The following SVBP variants were observed in gnomAD, a reference collection of about 807,000 sequenced individuals.
SVBP encodes small vasohibin-binding protein.
A neutral mutation model predicts 9.2 loss-of-function variants in SVBP; 9 were observed. The ratio of observed to expected loss-of-function variants is 0.98; its 90% CI spans 0.59 to 1.71. SVBP has a LOEUF of 1.71. Ranked by LOEUF, SVBP falls within the 40% of genes most tolerant of loss-of-function variation. The pLI is 0.00. For synonymous variants in SVBP, 27 were observed against 23.9 expected (o/e 1.13, Z -0.37); for missense variants, 63 against 73.2 (o/e 0.86, Z 0.51).
intron 2 of SVBP, 34 bp downstream of exon 2, chr1:42,816,397 C>T: frequency 7.1e-7 from 1 of 1,412,946 alleles, no homozygotes; most frequent in South Asian, 1.2e-5. Context: ...CTCCAGCAGA[C>T]TACAGGCATA....
At chr1:42,813,691 T>C (rs1278596356) in intron 2 of SVBP, 2 of 533,328 alleles carry the variant, frequency 3.8e-6, no homozygotes, top group African/African-American at 3.9e-5. Flanking sequence ...GAAGTATAGA[T>C]AGCTCTGTTC....
chr1:42,816,289 T>G (rs1377937594), intron 2 of SVBP, 142 bp downstream of exon 2: 5 of 630,354 alleles, frequency 7.9e-6, no homozygotes, highest in Non-Finnish European at 5.6e-6. Context: ...AACCTCAGTG[T>G]TGTCCCCTCT....
chr1:42,816,465 G>A lies in SVBP; in HGVS notation c.80C>T (p.Ala27Val). 6.2e-7 allele frequency: 1 copy of A among 1,613,938 alleles called. No individual in the cohort carries two copies. Residue 27 changes from alanine to valine, a missense_variant, in exon 2 of 3, where the codon GCC becomes GTC. Transcript: ENST00000372521. Reference sequence around the variant, plus strand: ...TTGTCTCTGCTTCAGCTCCTGCTGGGCTGATTTCTGTTTGGCCTTCTCAAC... The same window carrying A: ...TTGTCTCTGCTTCAGCTCCTGCTGGACTGATTTCTGTTTGGCCTTCTCAAC... ...SRVEKAKQKS[A>V]QQELKQRQRA...
intron 2 of SVBP, among the ~76,000 whole-genome samples, chr1:42,811,370 A>T (rs1231069491): frequency 2.6e-5 from 4 of 152,190 alleles, no homozygotes; most frequent in African/African-American, 9.7e-5. Flanking sequence ...GGGAGTCACA[A>T]TAACTCCTGC....
chr1:42,813,553 G>C (rs1352265495), intron 2 of SVBP: 1 of 533,392 alleles, frequency 1.9e-6, no homozygotes, highest in South Asian at 1.4e-5. Context: ...ATTCTGAACA[G>C]AGATACTCCA....
chr1:42,816,156 C>G (rs901841360), intron 2 of SVBP: 14 of 378,724 alleles, frequency 3.7e-5, no homozygotes, highest in Non-Finnish European at 6.2e-5. Context: ...CTTCTTTCCC[C>G]TTACATATCA....
chr1:42,812,260 T>C (rs975844969), intron 2 of SVBP, among the ~76,000 whole-genome samples: 12 of 152,232 alleles, frequency 7.9e-5, no homozygotes, highest in African/African-American at 2.9e-4. Flanking sequence ...AGTGCAAATT[T>C]GTACAGCTAG....
intron 2 of SVBP, chr1:42,813,421 G>T: frequency 1.8e-6 from 1 of 568,010 alleles, no homozygotes; most frequent in Non-Finnish European, 3.5e-6. Context: ...GGGCCCAAGC[G>T]TTCCTTCATC....
rs1429734705 is a variant in SVBP, at chr1:42,817,248, G to A, written c.-95C>T. 1.4e-5 allele frequency: 18 copies of A among 1,252,914 alleles called. No homozygotes were observed. The highest frequency in any genetic ancestry group is 2.6e-5 in the Admixed American group (1 of 39,028). 77.6% of individuals were successfully genotyped at this position (1,252,914 alleles called of 1,614,324 possible). On this transcript the variant is annotated 5_prime_UTR_variant, in exon 1 of 3. Coordinates refer to ENST00000372521, the MANE Select transcript of SVBP (RefSeq NM_199342.4). ...CCGCCGAGTCGCAGACAACGCCTCC[G>A]GGAGGGTAATCCTCGCCTTCCCCCG...
At chr1:42,812,860 C>T (rs1049166377) in intron 2 of SVBP, among the ~76,000 whole-genome samples, 4 of 152,144 alleles carry the variant, frequency 2.6e-5, no homozygotes, top group African/African-American at 9.7e-5. Flanking sequence ...ACAAATAGAG[C>T]TCTTTAAAAT....
chr1:42,808,108 A>T, intron 2 of SVBP, among the ~76,000 whole-genome samples: 1 of 138,798 alleles, frequency 7.2e-6, no homozygotes, highest in Non-Finnish European at 1.5e-5. Context: ...AGCAAAGATA[A>T]GTGTGCAGGG....
chr1:42,808,446 A>T (rs1456450729), intron 2 of SVBP, among the ~76,000 whole-genome samples: 2 of 145,660 alleles, frequency 1.4e-5, no homozygotes, highest in African/African-American at 2.5e-5. Flanking sequence ...AGCTATATAC[A>T]CTATATAGCT....
chr1:42,807,089 G>GAT lies in SVBP; in HGVS notation c.*323_*324dup. On this transcript the variant is annotated 3_prime_UTR_variant, in exon 3 of 3. Coordinates refer to ENST00000372521, the MANE Select transcript of SVBP (RefSeq NM_199342.4). ...GTATTTTATTTGTATTTTTGGAGAA[G>GAT]ATATAGAGTTTCATGAGAAACACTG... 1 of 194,984 alleles carries GAT rather than the reference G, an allele frequency of 5.1e-6. No individual in the cohort carries two copies. Among genetic ancestry groups the GAT allele is most frequent in the Non-Finnish European group, 1.0e-5 (1 of 97,260 alleles). 12.1% of individuals were successfully genotyped at this position (194,984 alleles called of 1,614,324 possible).
intron 2 of SVBP, 54 bp downstream of exon 2, chr1:42,816,377 C>A: frequency 7.9e-7 from 1 of 1,258,320 alleles, no homozygotes; most frequent in Non-Finnish European, 1.2e-6. Context: ...TTTCTCTATT[C>A]CAGCATCATC....
rs1200456571 is a variant in SVBP, at chr1:42,809,673, A to G, written c.115-2173T>C. Among the ~76,000 whole-genome samples, 5 of 152,344 alleles carry G rather than the reference A, an allele frequency of 3.3e-5. No homozygotes were observed. The South Asian group carries it at 8.3e-4, about 25-fold the overall frequency. On this transcript the variant is annotated intron_variant, in intron 2 of 2. Transcript: ENST00000372521. Reference sequence around the variant, plus strand: ...TTCCTGTCATCTTTAAGAAAAATGGAATTCTACACAGTGATGAAAATAGTT... The same window carrying G: ...TTCCTGTCATCTTTAAGAAAAATGGGATTCTACACAGTGATGAAAATAGTT...
chr1:42,808,471 G>C (rs1211190228), intron 2 of SVBP, among the ~76,000 whole-genome samples: 2 of 143,272 alleles, frequency 1.4e-5, no homozygotes, highest in Non-Finnish European at 3.0e-5. Context: ...TATACTAATA[G>C]TGTATATATA....
In SVBP at chr1:42,816,500, A is replaced by G; in HGVS notation, c.45T>C (p.Ser15=). 1 of 1,614,090 alleles carries G rather than the reference A, an allele frequency of 6.2e-7. No homozygotes were observed. The highest frequency in any genetic ancestry group is 8.5e-7 in the Non-Finnish European group (1 of 1,180,010). Residue 15 remains serine (S), a synonymous_variant, in exon 2 of 3, where the codon TCT becomes TCC. Transcript: ENST00000372521. ...ARKEKTKVKE[S]VSRVEKAKQK... Reference sequence around the variant, plus strand: ...GTTTGGCCTTCTCAACTCTGCTGACAGATTCTTTAACTTTGGTTTTTTCTT... The same window carrying G: ...GTTTGGCCTTCTCAACTCTGCTGACGGATTCTTTAACTTTGGTTTTTTCTT...
chr1:42,810,636 G>A (rs1157306024), intron 2 of SVBP, among the ~76,000 whole-genome samples: 1 of 152,066 alleles, frequency 6.6e-6, no homozygotes, highest in East Asian at 1.9e-4. Context: ...GGGTGTCCAG[G>A]CCAAAGAATG....
In SVBP at chr1:42,807,151, GTGT is replaced by G. The variant is rs970472241; in HGVS notation, c.*260_*262del. ...ACAATAGAAAAAGTGTTTTTTGTGTGTGTTTTTTTTTTTTTTTTAAAAAAACCC... is the reference window on the plus strand; with the variant it reads ...ACAATAGAAAAAGTGTTTTTTGTGTGTTTTTTTTTTTTTTTAAAAAAACCC... On this transcript the variant is annotated 3_prime_UTR_variant, in exon 3 of 3. Transcript: ENST00000372521. The G allele has an allele frequency of 1.8e-4, 46 of 255,736 alleles. No individual in the cohort carries two copies. The highest frequency in any genetic ancestry group is 4.4e-4 in the South Asian group (2 of 4,584). The allele number at this position is 255,736 out of a possible 1,614,324, so 15.8% of individuals were successfully genotyped here.
Sources: allele counts gnomAD v4.1 joint callset (sites outside exome capture counted in the v4.1 genomes callset), GRCh38; gene constraint gnomAD v4.1.1; transcripts MANE v1.5; gene names NCBI Gene and HGNC (gene_info 2026-07-23, HGNC 2026-07-21).